NRN1: variants seen among roughly 807,000 people sequenced by gnomAD.
The protein encoded by NRN1 is neuritin 1, also known as neuritin.
In NRN1, 4 loss-of-function variants were observed where a neutral mutation model predicts 15.0. That is an observed-to-expected ratio of 0.27 (90% confidence interval 0.13 to 0.61). The LOEUF (loss-of-function observed/expected upper bound fraction) is 0.61. Ranked by LOEUF, NRN1 falls within the 20% of genes least tolerant of loss-of-function variation. The pLI is 0.87. For missense variants in NRN1, 134 were observed against 181.9 expected, an observed-to-expected ratio of 0.74 and a Z score of 1.51; for synonymous variants, 85 against 79.8, an observed-to-expected ratio of 1.07 and a Z score of -0.35.
intron 2 of NRN1, 63 bp downstream of exon 2, chr6:6,002,290 G>C (rs1183400913): frequency 6.3e-7 from 1 of 1,576,558 alleles, no homozygotes; most frequent in Non-Finnish European, 8.7e-7. Context: ...GGGAGGCTCG[G>C]CACTCTCCGA....
chr6:6,001,882 T>C (rs555871928), intron 2 of NRN1, among the ~76,000 whole-genome samples: 3 of 152,288 alleles, frequency 2.0e-5, no homozygotes, highest in African/African-American at 7.2e-5. Flanking sequence ...TTTAGGCAAA[T>C]GTAGTATTAC....
rs1757833098 is a variant in NRN1, at chr6:5,998,598, C to A, written c.*378G>T. The A allele has an allele frequency of 6.2e-6, 1 of 161,310 alleles. No homozygotes were observed. Among genetic ancestry groups the A allele is most frequent in the South Asian group, 1.7e-4 (1 of 5,842 alleles). 10.0% of individuals were successfully genotyped at this position (161,310 alleles called of 1,614,324 possible). On this transcript the variant is annotated 3_prime_UTR_variant, in exon 3 of 3. Transcript: ENST00000244766. Reference sequence around the variant, plus strand: ...CTATTAGGAGGAGCCCATCATTTTTCATGTTACTAGCATGATTAATATAGT... The same window carrying A: ...CTATTAGGAGGAGCCCATCATTTTTAATGTTACTAGCATGATTAATATAGT...
At chr6:6,004,067 T>G in intron 1 of NRN1, 1 of 1,130,206 alleles carries the variant, frequency 8.8e-7, no homozygotes, top group Non-Finnish European at 1.1e-6. Context: ...AGCGTACCCG[T>G]TTGCAAATTG....
intron 1 of NRN1, 37 bp from the exon 2 acceptor site, chr6:6,002,534 G>A: frequency 6.3e-7 from 1 of 1,596,796 alleles, no homozygotes; most frequent in Non-Finnish European, 8.5e-7. Flanking sequence ...GCAGCGCCAC[G>A]ACCCCGCCCT....
At chr6:6,002,699 A>G in intron 1 of NRN1, 1 of 613,732 alleles carries the variant, frequency 1.6e-6, no homozygotes, top group South Asian at 2.0e-5. Flanking sequence ...CGCTGCGTCT[A>G]GTGCAAATTG....
In NRN1 at chr6:5,998,695, G is replaced by A. The variant is rs1271912864; in HGVS notation, c.*281C>T. 3.2e-6 allele frequency: 1 copy of A among 309,874 alleles called. No homozygotes were observed. The highest frequency in any genetic ancestry group is 2.1e-5 in the African/African-American group (1 of 46,640). 19.2% of individuals were successfully genotyped at this position (309,874 alleles called of 1,614,324 possible). A position where few individuals can be genotyped will look rare whatever the true frequency, so the allele number is the denominator to read the frequency against. On this transcript the variant is annotated 3_prime_UTR_variant, in exon 3 of 3. Transcript: ENST00000244766. Reference sequence around the variant, plus strand: ...TTAATAATAATAAAATTAAAAAATGGGGTGGGTTTGCCGTTTTCTTATTTG... The same window carrying A: ...TTAATAATAATAAAATTAAAAAATGAGGTGGGTTTGCCGTTTTCTTATTTG...
chr6:6,006,966 G>GC, upstream of NRN1: 1 of 422,836 alleles, frequency 2.4e-6, no homozygotes, highest in South Asian at 2.4e-5. Context: ...AGGCTGAGGG[G>GC]GGGGGGAGAG....
At position 6,002,347 on chromosome 6, in the gene NRN1, A is replaced by G; in HGVS notation, c.200+6T>C. 1 of 1,614,038 alleles carries G rather than the reference A, an allele frequency of 6.2e-7. No individual in the cohort carries two copies. Among genetic ancestry groups the G allele is most frequent in the East Asian group, 2.2e-5 (1 of 44,866 alleles). ...CGAAGTCCAGCCGGCCAGAGAGGACACTTACGTGCACACGGTCTTGATGTT... is the reference window on the plus strand; with the variant it reads ...CGAAGTCCAGCCGGCCAGAGAGGACGCTTACGTGCACACGGTCTTGATGTT... On this transcript the variant is annotated splice_donor_region_variant and intron_variant, in intron 2 of 2. Transcript: ENST00000244766.
chr6:6,003,565 G>T (rs1758025585), intron 1 of NRN1: 2 of 583,814 alleles, frequency 3.4e-6, no homozygotes, highest in Admixed American at 8.8e-5. Flanking sequence ...CAGAGAGCAG[G>T]CAGGGATAAA....
In NRN1 at chr6:5,998,097, C is replaced by T. The variant is rs1485295922; in HGVS notation, c.*879G>A. The T allele has an allele frequency of 8.3e-6, 1 of 121,044 alleles. No individual in the cohort carries two copies. Among genetic ancestry groups the T allele is most frequent in the Non-Finnish European group, 2.0e-5 (1 of 50,360 alleles). 7.5% of individuals were successfully genotyped at this position (121,044 alleles called of 1,614,324 possible). A position where few individuals can be genotyped will look rare whatever the true frequency, so the allele number is the denominator to read the frequency against. Reference sequence around the variant, plus strand: ...AATAAACTTTTTAAATTACATCTCTCTCTCTTTTTTTTTTAAAATCAAGGC... The same window carrying T: ...AATAAACTTTTTAAATTACATCTCTTTCTCTTTTTTTTTTAAAATCAAGGC... On this transcript the variant is annotated 3_prime_UTR_variant, in exon 3 of 3. Transcript: ENST00000244766.
At chr6:6,003,310 G>T in intron 1 of NRN1, 1 of 1,175,904 alleles carries the variant, frequency 8.5e-7, no homozygotes, top group Non-Finnish European at 1.1e-6. Context: ...GCGGGGTCAC[G>T]GATGAGTCTG....
intron 1 of NRN1, among the ~76,000 whole-genome samples, chr6:6,006,117 T>C (rs914319804): frequency 1.3e-5 from 2 of 152,154 alleles, no homozygotes; most frequent in African/African-American, 4.8e-5. Flanking sequence ...TTAAAATATG[T>C]GGTCTGAAGT....
chr6:6,000,722 CTTTTTTTTTTTTT>C (rs55712329), intron 2 of NRN1, among the ~76,000 whole-genome samples: 1 of 60,816 alleles, frequency 1.6e-5, no homozygotes, highest in Non-Finnish European at 3.0e-5. Context: ...CTAAATTGCT[CTTTTTTTTTTTTT>C]TTTTTTTTTT....
intron 1 of NRN1, chr6:6,003,131 C>T (rs907907124): frequency 2.6e-6 from 3 of 1,150,586 alleles, no homozygotes; most frequent in Non-Finnish European, 2.2e-6. Context: ...CCAGCAGTTA[C>T]CGAAATGGAT....
chr6:6,000,995 A>G (rs573531503), intron 2 of NRN1, among the ~76,000 whole-genome samples: 1 of 152,170 alleles, frequency 6.6e-6, no homozygotes, highest in East Asian at 1.9e-4. Context: ...ATGACAGAGG[A>G]TTTGGGAGCT....
chr6:6,002,852 C>A, intron 1 of NRN1: 1 of 379,864 alleles, frequency 2.6e-6, no homozygotes, highest in African/African-American at 2.1e-5. Flanking sequence ...ATTTCTCTTT[C>A]TCCTCGCTCC....
intron 1 of NRN1, among the ~76,000 whole-genome samples, chr6:6,004,988 A>G (rs967188739): frequency 6.6e-6 from 1 of 151,872 alleles, no homozygotes; most frequent in Admixed American, 6.6e-5. Context: ...GTGAATTAAT[A>G]AAGACCGAGG....
At chr6:6,001,484 T>C (rs9504617) in intron 2 of NRN1, among the ~76,000 whole-genome samples, 8,587 of 152,244 alleles carry the variant, frequency 0.056, 785 homozygotes, top group African/African-American at 0.2. Flanking sequence ...GGTTACCTTA[T>C]TGCTCGTGGG....
upstream of NRN1, chr6:6,006,937 GAA>G (rs1259488585): frequency 4.6e-6 from 1 of 216,700 alleles, no homozygotes; most frequent in Admixed American, 6.4e-5. Context: ...GAGAGAGAGA[GAA>G]AGAGAGAGAG....
Sources: gnomAD v4.1 joint callset for allele counts (sites outside exome capture counted in the v4.1 genomes callset) on GRCh38, gnomAD v4.1.1 for gene constraint, MANE v1.5 for transcripts, NCBI Gene and HGNC (gene_info 2026-07-23, HGNC 2026-07-21) for gene names.